The following XKR7 variants were observed in gnomAD, a reference collection of about 807,000 sequenced individuals.
The protein encoded by XKR7 is XK-related protein 7.
A neutral mutation model predicts 42.2 loss-of-function variants in XKR7; 11 were observed. The observed-to-expected ratio is 0.26, with a 90% CI of 0.16 to 0.43. The LOEUF (loss-of-function observed/expected upper bound fraction) is 0.43. Ranked by LOEUF, XKR7 falls within the 20% of genes least tolerant of loss-of-function variation. The pLI is 1.00. For missense variants in XKR7, 710 were observed against 802.2 expected (o/e 0.89, Z 1.39); for synonymous variants, 346 against 366.4 (o/e 0.94, Z 0.64).
At chr20:31,975,931 C>A (rs1439356473) in intron 1 of XKR7, among the ~76,000 whole-genome samples, 1 of 152,154 alleles carries the variant, frequency 6.6e-6, no homozygotes, top group Non-Finnish European at 1.5e-5. Flanking sequence ...GTAGAGACTG[C>A]GAGGATGAAG....
chr20:31,976,291 A>G (rs1194985781), intron 1 of XKR7, among the ~76,000 whole-genome samples: 1 of 152,200 alleles, frequency 6.6e-6, no homozygotes, highest in East Asian at 1.9e-4. Context: ...CCACCAAACT[A>G]TACTGTCTTC....
At chr20:31,982,667 G>A (rs570801139) in intron 1 of XKR7, among the ~76,000 whole-genome samples, 59 of 152,236 alleles carry the variant, frequency 3.9e-4, no homozygotes, top group African/African-American at 1.3e-3. Context: ...CATATAAAAG[G>A]TATTTGATGA....
chr20:31,984,581 C>T (rs151248659), intron 1 of XKR7, among the ~76,000 whole-genome samples: 221 of 152,328 alleles, frequency 1.5e-3, no homozygotes, highest in African/African-American at 4.8e-3. Context: ...TGAGGCCCAT[C>T]GAGGAGCTGG....
At position 32,002,128 on chromosome 20, in the gene XKR7, G is replaced by A. The variant is rs181526930; in HGVS notation, c.*4671G>A. On this transcript the variant is annotated 3_prime_UTR_variant, in exon 3 of 3. Coordinates refer to ENST00000562532, the MANE Select transcript of XKR7 (RefSeq NM_001011718.2). ...GAGTGGGAGATGTGGAAGTGGAAAA[G>A]GAAGGCCCTGTCCAGGCCTGGCCTG... 6.6e-6 allele frequency: 1 copy of A among 152,298 alleles called. No homozygotes were observed. Among genetic ancestry groups the A allele is most frequent in the South Asian group, 2.1e-4 (1 of 4,830 alleles). The allele number at this position is 152,298 out of a possible 1,614,324, so 9.4% of individuals were successfully genotyped here.
At chr20:31,972,810 C>G (rs138179813) in intron 1 of XKR7, among the ~76,000 whole-genome samples, 18 of 152,322 alleles carry the variant, frequency 1.2e-4, no homozygotes, top group Middle Eastern at 6.8e-3. Context: ...ACACTGCACT[C>G]TATGTCACCT....
In XKR7 at chr20:31,999,027, C is replaced by G. The variant is rs980342879; in HGVS notation, c.*1570C>G. ...CCTCTAGCAGAGCTGGGAACCCAAC[C>G]CACCCCCCACCCCCCCACACACACA... On this transcript the variant is annotated 3_prime_UTR_variant, in exon 3 of 3. Transcript: ENST00000562532. The G allele has an allele frequency of 1.7e-5, 2 of 120,102 alleles. No homozygotes were observed. The highest frequency in any genetic ancestry group is 7.4e-5 in the African/African-American group (2 of 26,920). 7.4% of individuals were successfully genotyped at this position (120,102 alleles called of 1,614,324 possible). A position where few individuals can be genotyped will look rare whatever the true frequency, so the allele number is the denominator to read the frequency against.
chr20:31,971,196 G>T (rs563001208), intron 1 of XKR7, among the ~76,000 whole-genome samples: 2,795 of 152,126 alleles, frequency 0.018, 25 homozygotes, highest in Middle Eastern at 0.051. Flanking sequence ...GGAACAGTGT[G>T]TATTGTGGGG....
chr20:31,975,704 T>A (rs1206152950), intron 1 of XKR7, among the ~76,000 whole-genome samples: 1 of 144,922 alleles, frequency 6.9e-6, no homozygotes, highest in African/African-American at 2.5e-5. Flanking sequence ...CTGCTCATTA[T>A]CTCTTGGGGC....
Position 31,997,578 on chromosome 20 carries a change from A to C in XKR7, c.*121A>C. The C allele has an allele frequency of 5.1e-6, 5 of 975,546 alleles. No homozygotes were observed. Among genetic ancestry groups the C allele is most frequent in the African/African-American group, 1.6e-5 (1 of 61,118 alleles). 60.4% of individuals were successfully genotyped at this position (975,546 alleles called of 1,614,324 possible). A position where few individuals can be genotyped will look rare whatever the true frequency, so the allele number is the denominator to read the frequency against. On this transcript the variant is annotated 3_prime_UTR_variant, in exon 3 of 3. Transcript: ENST00000562532. ...AGTGGATCTGTTGGTCCAAGGGTAG[A>C]GTGGCCCCACTCTTGGGTTCTTTCA...
chr20:31,968,863 T>C lies in XKR7; in HGVS notation c.584+104T>C. ...CTGACCTTTCCGGGCTACCCTCCTGTCCTGACCTCCCCCCCTCCCCACCCC... is the reference window on the plus strand; with the variant it reads ...CTGACCTTTCCGGGCTACCCTCCTGCCCTGACCTCCCCCCCTCCCCACCCC... On this transcript the variant is annotated intron_variant, in intron 1 of 2. Coordinates refer to ENST00000562532, the MANE Select transcript of XKR7 (RefSeq NM_001011718.2). The surrounding 1 kb of genome is among the most constrained non-coding windows in gnomAD (Gnocchi z 4.5). 7.1e-7 allele frequency: 1 copy of C among 1,408,572 alleles called. No homozygotes were observed. The highest frequency in any genetic ancestry group is 9.3e-7 in the Non-Finnish European group (1 of 1,078,658). The allele number at this position is 1,408,572 out of a possible 1,614,324, so 87.3% of individuals were successfully genotyped here.
rs964631016 is a variant in XKR7 at position 31,995,640 on chromosome 20, A to G, written c.787+370A>G. On this transcript the variant is annotated intron_variant, in intron 2 of 2. Coordinates refer to ENST00000562532, the MANE Select transcript of XKR7 (RefSeq NM_001011718.2). This position sits in a 1 kb window ranked among gnomAD's most constrained non-coding sequence, Gnocchi z 4.1. ...AATCCCCTGCCCACTTCCTTCCCCA[A>G]CCTGATCCCAGCCTGCATCTCCTGG... is the stretch of plus-strand genomic sequence containing the variant. Among the ~76,000 whole-genome samples, 1 of 151,784 alleles carries G rather than the reference A, an allele frequency of 6.6e-6. No individual in the cohort carries two copies. Among genetic ancestry groups the G allele is most frequent in the African/African-American group, 2.4e-5 (1 of 41,276 alleles).
chr20:32,000,644 G>C lies in XKR7; in HGVS notation c.*3187G>C, dbSNP rs1274208181. ...GATGCTTTGGGTACCAAATATGGCA[G>C]GCCCTGCCCTCAGTTACCTCTAACC... On this transcript the variant is annotated 3_prime_UTR_variant, in exon 3 of 3. Transcript: ENST00000562532. 3.3e-5 allele frequency: 5 copies of C among 152,322 alleles called. No homozygotes were observed. The highest frequency in any genetic ancestry group is 1.2e-4 in the African/African-American group (5 of 41,526). The allele number at this position is 152,322 out of a possible 1,614,324, so 9.4% of individuals were successfully genotyped here.
chr20:31,987,487 A>T (rs1439503000), intron 1 of XKR7, among the ~76,000 whole-genome samples: 1 of 150,182 alleles, frequency 6.7e-6, no homozygotes, highest in East Asian at 2.0e-4. Flanking sequence ...CAGACAGTCC[A>T]CCAAGTAGAC....
At chr20:31,988,593 A>G (rs1335519441) in intron 1 of XKR7, among the ~76,000 whole-genome samples, 1 of 152,102 alleles carries the variant, frequency 6.6e-6, no homozygotes, top group Non-Finnish European at 1.5e-5. Context: ...GGGGTCAGTA[A>G]GTTAGATTCC....
At position 31,995,042 on chromosome 20, in the gene XKR7, GC is replaced by G; in HGVS notation, c.585-24del. On this transcript the variant is annotated intron_variant, in intron 1 of 2. Transcript: ENST00000562532. The surrounding 1 kb of genome is among the most constrained non-coding windows in gnomAD (Gnocchi z 4.1). ...GAGCGAGAGGAACCAGCGCGCGGGAGCCTGAGCACCGCGTCCTTCCCGCAGG... is the reference window on the plus strand; with the variant it reads ...GAGCGAGAGGAACCAGCGCGCGGGAGCTGAGCACCGCGTCCTTCCCGCAGG... 1 of 1,540,054 alleles carries G rather than the reference GC, an allele frequency of 6.5e-7. No homozygotes were observed. Among genetic ancestry groups the G allele is most frequent in the Non-Finnish European group, 8.7e-7 (1 of 1,145,272 alleles).
At chr20:31,980,131 G>GAAA (rs397968046) in intron 1 of XKR7, among the ~76,000 whole-genome samples, 12 of 95,446 alleles carry the variant, frequency 1.3e-4, no homozygotes, top group South Asian at 4.2e-4. Flanking sequence ...CTTTAGCCCA[G>GAAA]AAAAAAAAAA....
intron 1 of XKR7, among the ~76,000 whole-genome samples, chr20:31,975,145 T>C (rs1202953572): frequency 6.6e-6 from 1 of 152,038 alleles, no homozygotes; most frequent in East Asian, 1.9e-4. Context: ...GGATCTTCTC[T>C]GGCCTCTCTG....
At chr20:31,975,196 CT>C (rs2064479778) in intron 1 of XKR7, among the ~76,000 whole-genome samples, 1 of 152,114 alleles carries the variant, frequency 6.6e-6, no homozygotes, top group Non-Finnish European at 1.5e-5. Flanking sequence ...AATTCCTCCC[CT>C]GGGAAATCCT....
In XKR7 at chr20:31,996,366, C is replaced by T. The variant is rs559490492; in HGVS notation, c.788-139C>T. The T allele has an allele frequency of 1.5e-4, 95 of 614,032 alleles. No individual in the cohort carries two copies. The African/African-American group carries it at 1.7e-3, about 11-fold the overall frequency. 38.0% of individuals were successfully genotyped at this position (614,032 alleles called of 1,614,324 possible). The stretch of plus-strand genomic sequence containing the variant: ...CTCCCCACCTCCCAGACCTTCCCCA[C>T]ACCCCTGCTGATCCACAGCTCCTTT... On this transcript the variant is annotated intron_variant, in intron 2 of 2. Transcript: ENST00000562532.
Sources: allele counts gnomAD v4.1 joint callset (sites outside exome capture counted in the v4.1 genomes callset), GRCh38; gene constraint gnomAD v4.1.1; non-coding constraint Gnocchi (gnomAD v3.1); transcripts MANE v1.5; gene names NCBI Gene and HGNC (gene_info 2026-07-23, HGNC 2026-07-21).